Variants in CATSPERG observed in about 807,000 individuals in gnomAD.
The protein encoded by CATSPERG is catsper channel auxiliary subunit gamma, also known as cation channel sperm-associated auxiliary subunit gamma.
CATSPERG carries 115 observed loss-of-function variants against 145.0 expected under a neutral mutation model. The ratio of observed to expected loss-of-function variants is 0.79; its 90% CI spans 0.68 to 0.93. The LOEUF (loss-of-function observed/expected upper bound fraction) is 0.93, where lower values mean the gene tolerates loss of function less well. Ranked by LOEUF, CATSPERG falls within the 40% of genes least tolerant of loss-of-function variation. The pLI, the probability that CATSPERG is intolerant of heterozygous loss-of-function variation, is 0.00. For synonymous variants in CATSPERG, 588 were observed against 589.0 expected (o/e 1.00, Z 0.02); for missense variants, 1,296 against 1,490.1 (o/e 0.87, Z 2.14).
At chr19:38,364,467 G>A (rs1460033681) in intron 20 of CATSPERG, among the ~76,000 whole-genome samples, 1 of 151,418 alleles carries the variant, frequency 6.6e-6, no homozygotes. Flanking sequence ...GGCTCCTCAC[G>A]TCCCAGACGA....
intron 20 of CATSPERG, among the ~76,000 whole-genome samples, 164 bp from the exon 21 acceptor site, chr19:38,364,727 C>T (rs1405908723): frequency 3.9e-5 from 6 of 152,266 alleles, no homozygotes; most frequent in Non-Finnish European, 8.8e-5. Flanking sequence ...GGAGACCAGC[C>T]CGGCCAACAC....
chr19:38,365,746 C>A (rs1256054888), intron 22 of CATSPERG: 1 of 146,630 alleles, frequency 6.8e-6, no homozygotes, highest in Non-Finnish European at 1.5e-5. Flanking sequence ...TCACTCTTGT[C>A]CCCCAGGCTG....
rs1158525255 is a variant in CATSPERG at position 38,344,901 on chromosome 19, A to ATTTT, written c.669+553_669+556dup. Among the ~76,000 whole-genome samples the ATTTT allele has an allele frequency of 4.2e-4, 34 of 80,014 alleles. 1 individual carries two copies. The highest frequency in any genetic ancestry group is 3.1e-3 in the East Asian group (6 of 1,958). The allele number at this position is 80,014 out of a possible 152,430, so 52.5% of individuals were successfully genotyped here. Reference sequence around the variant, plus strand: ...CACACACATATATATATATATATATATTTTTTTTTTTTTTTTTTTTTTTGA... The same window carrying ATTTT: ...CACACACATATATATATATATATATATTTTTTTTTTTTTTTTTTTTTTTTTTTGA... On this transcript the variant is annotated intron_variant, in intron 6 of 28. Transcript: ENST00000409235.
chr19:38,365,698 GTTT>G (rs142942535), intron 22 of CATSPERG: 3 of 145,848 alleles, frequency 2.1e-5, no homozygotes, highest in African/African-American at 7.6e-5. Context: ...CAACAGGGCC[GTTT>G]TTTTTTTGTT....
chr19:38,357,470 G>A (rs113284648), intron 11 of CATSPERG, among the ~76,000 whole-genome samples: 73 of 149,268 alleles, frequency 4.9e-4, no homozygotes, highest in African/African-American at 1.3e-3. Context: ...GCTACAGTGA[G>A]CTATGATCAT....
chr19:38,348,922 T>C (rs946337838), intron 7 of CATSPERG: 3 of 152,172 alleles, frequency 2.0e-5, no homozygotes, highest in Non-Finnish European at 4.4e-5. Flanking sequence ...ATCTAGTTCA[T>C]TCACAATATT....
intron 14 of CATSPERG, 21 bp from the exon 15 acceptor site, chr19:38,360,468 A>G (rs776186586): frequency 6.2e-7 from 1 of 1,613,536 alleles, no homozygotes; most frequent in Non-Finnish European, 8.5e-7. Context: ...ACACACACAC[A>G]TCCGGCTGTC....
At chr19:38,365,001 A>G (rs1426590127) in intron 21 of CATSPERG, 30 bp downstream of exon 21, 1 of 1,613,574 alleles carries the variant, frequency 6.2e-7, no homozygotes, top group South Asian at 1.1e-5. Context: ...GGGAGGGTGC[A>G]GGATGGTGGG....
At chr19:38,342,260 C>A (rs973633231) in intron 3 of CATSPERG, among the ~76,000 whole-genome samples, 4 of 145,716 alleles carry the variant, frequency 2.7e-5, no homozygotes, top group African/African-American at 7.7e-5. Flanking sequence ...ACAGAAATAG[C>A]CAGCCTGGGC....
chr19:38,356,013 TTAAA>T (rs533937750), intron 9 of CATSPERG, among the ~76,000 whole-genome samples: 2 of 152,304 alleles, frequency 1.3e-5, no homozygotes, highest in African/African-American at 4.8e-5. Flanking sequence ...GATATAAAGA[TTAAA>T]TAAGTTGGTT....
chr19:38,366,214 A>G (rs1970446267), intron 22 of CATSPERG: 1 of 152,270 alleles, frequency 6.6e-6, no homozygotes, highest in South Asian at 2.1e-4. Flanking sequence ...CAGGGAGCTA[A>G]TAAGTGGTAG....
rs1016682571 is a variant in CATSPERG at position 38,354,830 on chromosome 19, A to C, written c.1118A>C (p.His373Pro). 1.9e-6 allele frequency: 3 copies of C among 1,613,992 alleles called. No homozygotes were observed. Among genetic ancestry groups the C allele is most frequent in the Non-Finnish European group, 2.5e-6 (3 of 1,179,998 alleles). ...LTTGKHEGYV[H>P]FGTIRDGQVS... ...ACGGGCAAGCATGAGGGTTATGTAC[A>C]CTTCGGGACCATCAGAGGTAAGGGT... is the stretch of plus-strand genomic sequence containing the variant. Residue 373 changes from histidine to proline, a missense_variant, in exon 9 of 29, where the codon CAC becomes CCC. Transcript: ENST00000409235.
At position 38,369,952 on chromosome 19, in the gene CATSPERG, G is replaced by T; in HGVS notation, c.3021-20G>T. On this transcript the variant is annotated intron_variant, in intron 26 of 28. Coordinates refer to ENST00000409235, the MANE Select transcript of CATSPERG (RefSeq NM_021185.5). ...ACTAGGCATGGTTGGTAGCACAACTGCCTGATCTTTGGCTTGCAGGTGGCT... is the reference window on the plus strand; with the variant it reads ...ACTAGGCATGGTTGGTAGCACAACTTCCTGATCTTTGGCTTGCAGGTGGCT... 6.2e-7 allele frequency: 1 copy of T among 1,612,884 alleles called. No individual in the cohort carries two copies. The highest frequency in any genetic ancestry group is 1.3e-5 in the African/African-American group (1 of 75,042).
At chr19:38,344,870 CACACACACACACATAT>C (rs1318782400) in intron 6 of CATSPERG, among the ~76,000 whole-genome samples, 3,379 of 111,826 alleles carry the variant, frequency 0.03, 336 homozygotes, top group Middle Eastern at 0.046. Context: ...CACACACACA[CACACACACACACATAT>C]ATATATATAT....
At chr19:38,347,711 C>T (rs1038133043) in intron 7 of CATSPERG, among the ~76,000 whole-genome samples, 1 of 152,148 alleles carries the variant, frequency 6.6e-6, no homozygotes, top group African/African-American at 2.4e-5. Flanking sequence ...GAGACCGAGG[C>T]GGGTGGATCA....
In CATSPERG at chr19:38,346,480, G is replaced by C; in HGVS notation, c.700G>C (p.Gly234Arg). The C allele has an allele frequency of 6.5e-7, 1 of 1,549,972 alleles. No homozygotes were observed. Among genetic ancestry groups the C allele is most frequent in the Non-Finnish European group, 8.7e-7 (1 of 1,145,644 alleles). Reference protein sequence around the residue: ...LFNLMPQYFVGVSSRPLWHTV... With the variant: ...LFNLMPQYFVRVSSRPLWHTV... ...CAACCTGATGCCCCAGTACTTTGTG[G>C]GTGTCTCATCGAGGCCCTTGTGGCA... The change falls in exon 7 of 29, where the codon GGT (glycine) becomes CGT (arginine). Residue 234 changes from glycine (G) to arginine (R), a missense_variant. Gly to Arg is a moderately radical substitution (Grantham distance 125, BLOSUM62 -2). Transcript: ENST00000409235.
Position 38,370,170 on chromosome 19 carries a change from C to G in CATSPERG, c.3125C>G (p.Thr1042Arg), listed in dbSNP as rs138393521. The G allele has an allele frequency of 1.9e-6, 3 of 1,613,884 alleles. No individual in the cohort carries two copies. Among genetic ancestry groups the G allele is most frequent in the Non-Finnish European group, 2.5e-6 (3 of 1,179,996 alleles). ...CCCAACCCCTGCAGAGGAGTGGACA[C>G]GAGCACCTACTGCAACTACCAGCTC... ...KVLVSNRGVD[T>R]STYCNYQLTF... The change falls in exon 28 of 29, where the codon ACG becomes AGG. Residue 1042 changes from threonine to arginine, a missense_variant. Coordinates refer to ENST00000409235, the MANE Select transcript of CATSPERG (RefSeq NM_021185.5).
chr19:38,365,415 C>T (rs571007608), intron 22 of CATSPERG: 245 of 309,516 alleles, frequency 7.9e-4, no homozygotes, highest in Non-Finnish European at 1.2e-3. Flanking sequence ...GGATTATAGG[C>T]GCCCGCCACC....
At chr19:38,336,016 G>C (rs59898212) in intron 1 of CATSPERG, 141 bp downstream of exon 1, 83,895 of 300,404 alleles carry the variant, frequency 0.28, 13,405 homozygotes, top group East Asian at 0.54. Flanking sequence ...TGGGAGCTGG[G>C]AGAGGAGGGA....
Sources: gnomAD v4.1 joint callset for allele counts (sites outside exome capture counted in the v4.1 genomes callset) on GRCh38, gnomAD v4.1.1 for gene constraint, MANE v1.5 for transcripts, NCBI Gene and HGNC (gene_info 2026-07-23, HGNC 2026-07-21) for gene names.